The following CD247 variants were observed in gnomAD, a reference collection of about 807,000 sequenced individuals.
CD247 encodes the protein CD247 molecule.
Under a neutral mutation model 30.0 loss-of-function variants are expected in CD247, and 13 were observed. The observed-to-expected ratio is 0.43, with a 90% confidence interval of 0.28 to 0.69. The LOEUF is 0.69. Ranked by LOEUF, CD247 falls within the 30% of genes least tolerant of loss-of-function variation. The pLI, the probability that CD247 is intolerant of heterozygous loss-of-function variation, is 0.16. For missense variants in CD247, 193 were observed against 212.6 expected, an observed-to-expected ratio of 0.91 and a Z score of 0.57; for synonymous variants, 72 against 80.0, an observed-to-expected ratio of 0.90 and a Z score of 0.53.
intron 1 of CD247, among the ~76,000 whole-genome samples, chr1:167,478,325 A>T (rs936524171): frequency 6.6e-6 from 1 of 152,254 alleles, no homozygotes; most frequent in Non-Finnish European, 1.5e-5. Flanking sequence ...GAAGAACCAG[A>T]CCTGCCTGAG....
At chr1:167,442,117 A>T (rs1052956291) in intron 1 of CD247, among the ~76,000 whole-genome samples, 1 of 152,254 alleles carries the variant, frequency 6.6e-6, no homozygotes, top group African/African-American at 2.4e-5. Context: ...TCTCAAAAAA[A>T]AATTTAAAAA....
chr1:167,488,189 A>G (rs559510027), intron 1 of CD247, among the ~76,000 whole-genome samples: 54 of 152,372 alleles, frequency 3.5e-4, no homozygotes, highest in African/African-American at 1.3e-3. Context: ...GTAAAGTGGA[A>G]ATCAGGATAC....
At chr1:167,504,354 A>C (rs1655032569) in intron 1 of CD247, among the ~76,000 whole-genome samples, 2 of 152,242 alleles carry the variant, frequency 1.3e-5, no homozygotes, top group Non-Finnish European at 2.9e-5. Context: ...TGAGAGCAGC[A>C]ACTGTAATGC....
chr1:167,439,562 G>C, intron 2 of CD247, 162 bp from the exon 3 acceptor site: 1 of 644,830 alleles, frequency 1.6e-6, no homozygotes, highest in Admixed American at 2.5e-5. Flanking sequence ...GGGCCGGGGC[G>C]TGGCAGCCCC....
At chr1:167,432,765 T>G (rs1651333044) in intron 7 of CD247, among the ~76,000 whole-genome samples, 1 of 152,216 alleles carries the variant, frequency 6.6e-6, no homozygotes, top group Non-Finnish European at 1.5e-5. Flanking sequence ...GCGTACCCTC[T>G]GGACAGCTGC....
intron 1 of CD247, among the ~76,000 whole-genome samples, chr1:167,464,643 TAA>T (rs1653159861): frequency 6.6e-6 from 1 of 152,154 alleles, no homozygotes; most frequent in African/African-American, 2.4e-5. Flanking sequence ...ACTCCTATTC[TAA>T]AAGTAGAAAG....
intron 1 of CD247, among the ~76,000 whole-genome samples, chr1:167,497,706 C>A (rs571658914): frequency 2.6e-5 from 4 of 152,136 alleles, no homozygotes; most frequent in Non-Finnish European, 5.9e-5. Flanking sequence ...GAGCTAGAAC[C>A]GCAAACTCTC....
At chr1:167,437,407 A>AG (rs1391829553) in intron 4 of CD247, among the ~76,000 whole-genome samples, 3 of 150,900 alleles carry the variant, frequency 2.0e-5, no homozygotes, top group African/African-American at 7.3e-5. Flanking sequence ...CGCTGTCTCA[A>AG]AAAAAAAAAG....
At chr1:167,448,270 T>C in intron 1 of CD247, 1 of 711,886 alleles carries the variant, frequency 1.4e-6, no homozygotes, top group Non-Finnish European at 1.7e-6. Flanking sequence ...ACATGCCTAA[T>C]GTCTACAGCC....
intron 1 of CD247, among the ~76,000 whole-genome samples, chr1:167,451,684 G>A (rs115160942): frequency 0.014 from 2,112 of 152,300 alleles, 46 homozygotes; most frequent in African/African-American, 0.049. Flanking sequence ...AAATTCTTAT[G>A]TTGAAATCCT....
intron 1 of CD247, among the ~76,000 whole-genome samples, chr1:167,462,280 C>T (rs908914021): frequency 1.3e-5 from 2 of 152,204 alleles, no homozygotes; most frequent in African/African-American, 4.8e-5. Context: ...AGCCAGCGTC[C>T]CTGAAGCCCC....
At chr1:167,438,041 AGG>A (rs1651629571) in intron 4 of CD247, among the ~76,000 whole-genome samples, 1 of 148,842 alleles carries the variant, frequency 6.7e-6, no homozygotes, top group African/African-American at 2.4e-5. Flanking sequence ...GAAGGAAGGA[AGG>A]AAGGAAGGAA....
chr1:167,440,592 G>A, intron 2 of CD247, 72 bp downstream of exon 2: 1 of 1,043,020 alleles, frequency 9.6e-7, no homozygotes, highest in Non-Finnish European at 1.5e-6. Context: ...GACCTTCCAA[G>A]ACCAAGGCCC....
Position 167,470,832 on chromosome 1 carries a change from T to A in CD247, c.59-30065A>T, listed in dbSNP as rs371952868. Among the ~76,000 whole-genome samples, 14 of 151,876 alleles carry A rather than the reference T, an allele frequency of 9.2e-5. No individual in the cohort carries two copies. The East Asian group carries it at 2.1e-3, about 23-fold the overall frequency. On this transcript the variant is annotated intron_variant, in intron 1 of 7. Transcript: ENST00000362089. ...ATTATAGTGCTGCAGTCAACATCCT[T>A]GAACACAAATATTTTATTCCACTGA...
chr1:167,496,679 G>C (rs970648035), intron 1 of CD247, among the ~76,000 whole-genome samples: 3 of 152,200 alleles, frequency 2.0e-5, no homozygotes, highest in Non-Finnish European at 4.4e-5. Context: ...CTGAGAAGTG[G>C]GTAAGGGTTG....
intron 1 of CD247, among the ~76,000 whole-genome samples, chr1:167,475,704 A>G (rs546181157): frequency 6.6e-6 from 1 of 152,344 alleles, no homozygotes; most frequent in Admixed American, 6.5e-5. Context: ...GAGGCAGAGG[A>G]ACACGTTAAA....
chr1:167,475,506 A>G (rs1653709288), intron 1 of CD247, among the ~76,000 whole-genome samples: 1 of 152,224 alleles, frequency 6.6e-6, no homozygotes, highest in South Asian at 2.1e-4. Flanking sequence ...AAAAGGAAAG[A>G]TAATCCCTAA....
intron 1 of CD247, among the ~76,000 whole-genome samples, chr1:167,472,026 G>T (rs1266001957): frequency 6.6e-6 from 1 of 151,648 alleles, no homozygotes; most frequent in East Asian, 1.9e-4. Flanking sequence ...TAGAGATGGG[G>T]TTTCATCAAG....
chr1:167,517,442 G>A (rs553182575), intron 1 of CD247, among the ~76,000 whole-genome samples: 20 of 152,330 alleles, frequency 1.3e-4, no homozygotes, highest in Non-Finnish European at 2.1e-4. Flanking sequence ...AAGATGCCAC[G>A]AGGCTGATCC....
Sources: gnomAD v4.1 joint callset for allele counts (sites outside exome capture counted in the v4.1 genomes callset) on GRCh38, gnomAD v4.1.1 for gene constraint, MANE v1.5 for transcripts, NCBI Gene and HGNC (gene_info 2026-07-23, HGNC 2026-07-21) for gene names.